RPA3: variants seen among roughly 807,000 people sequenced by gnomAD.
The protein encoded by RPA3 is replication protein A 14 kDa subunit.
In RPA3, 24 loss-of-function variants were observed where a neutral mutation model predicts 13.7. The ratio of observed to expected loss-of-function variants is 1.75; its 90% confidence interval spans 1.27 to 2.46. The LOEUF (loss-of-function observed/expected upper bound fraction) is 2.46, where lower values mean the gene tolerates loss of function less well. Among genes scored for constraint, RPA3 ranks in the 30% most tolerant of loss-of-function variants. The pLI is 0.00. For missense variants in RPA3, 183 were observed against 151.0 expected (o/e 1.21, Z -1.11); for synonymous variants, 59 against 51.2 (o/e 1.15, Z -0.65).
chr7:7,650,721 A>G (rs764479418), intron 4 of RPA3, among the ~76,000 whole-genome samples: 17 of 152,258 alleles, frequency 1.1e-4, no homozygotes, highest in Non-Finnish European at 1.5e-4. Flanking sequence ...TAATCCAGCC[A>G]TTCTGCATCC....
At chr7:7,693,765 T>A (rs905579550) in intron 2 of RPA3, among the ~76,000 whole-genome samples, 1 of 152,200 alleles carries the variant, frequency 6.6e-6, no homozygotes, top group Non-Finnish European at 1.5e-5. Context: ...TTTAAATATT[T>A]TGTAAGATGT....
chr7:7,661,208 A>G (rs1315422820), intron 4 of RPA3, among the ~76,000 whole-genome samples: 2 of 152,108 alleles, frequency 1.3e-5, no homozygotes, highest in Non-Finnish European at 2.9e-5. Flanking sequence ...CTAGTTAGCA[A>G]TTCATCTAAC....
Position 7,685,924 on chromosome 7 carries a change from C to T in RPA3, c.-852G>A. ...TTGTAGTAATCAGTAAGTGAACATT[C>T]TTGAGCACTTTCTCTATCCCAGGTG... On this transcript the variant is annotated 5_prime_UTR_variant, in exon 4 of 8. Transcript: ENST00000223129. 6.6e-6 allele frequency: 1 copy of T among 152,114 alleles called. No individual in the cohort carries two copies. Among genetic ancestry groups the T allele is most frequent in the East Asian group, 1.9e-4 (1 of 5,178 alleles). The allele number at this position is 152,114 out of a possible 1,614,324, so 9.4% of individuals were successfully genotyped here.
chr7:7,717,055 T>TC (rs1780929177), intron 1 of RPA3, among the ~76,000 whole-genome samples: 2 of 149,178 alleles, frequency 1.3e-5, no homozygotes, highest in Admixed American at 6.6e-5. Flanking sequence ...TTTCTTTCTT[T>TC]TTTTCTTTTT....
intron 4 of RPA3, among the ~76,000 whole-genome samples, chr7:7,662,738 C>T (rs1190949392): frequency 6.6e-6 from 1 of 151,626 alleles, no homozygotes; most frequent in Non-Finnish European, 1.5e-5. Context: ...CTGGGAACTG[C>T]AGATGGAGCT....
At chr7:7,645,817 A>AT (rs34158584) in intron 4 of RPA3, among the ~76,000 whole-genome samples, 51,416 of 145,332 alleles carry the variant, frequency 0.35, 9,115 homozygotes, top group African/African-American at 0.4. Flanking sequence ...TTTGTTTAGG[A>AT]TTTTTTTTTT....
At chr7:7,640,230 G>A (rs1583681174) in intron 5 of RPA3, 90 bp downstream of exon 5, 1 of 1,354,884 alleles carries the variant, frequency 7.4e-7, no homozygotes. Context: ...GTGATCGGAG[G>A]CTTTCCGTCC....
In RPA3 at chr7:7,670,795, A is replaced by C. The variant is rs536926502; in HGVS notation, c.-758+15035T>G. Among the ~76,000 whole-genome samples the C allele has an allele frequency of 3.6e-4, 55 of 152,290 alleles. No homozygotes were observed. In the Middle Eastern group the frequency reaches 0.01, roughly 28 times the overall value. Reference sequence around the variant, plus strand: ...ATTGCCAAAACCACTCCCATTTACAAAGGCGAACAAAGGGAGAGAGAGAAC... The same window carrying C: ...ATTGCCAAAACCACTCCCATTTACACAGGCGAACAAAGGGAGAGAGAGAAC... On this transcript the variant is annotated intron_variant, in intron 4 of 7. Transcript: ENST00000223129.
chr7:7,673,598 A>G, intron 4 of RPA3: 1 of 602,450 alleles, frequency 1.7e-6, no homozygotes, highest in Non-Finnish European at 2.9e-6. Flanking sequence ...AAAATCTGTA[A>G]AGATGAAAGT....
chr7:7,646,570 C>T (rs567294170), intron 4 of RPA3, among the ~76,000 whole-genome samples: 34 of 151,218 alleles, frequency 2.2e-4, no homozygotes, highest in African/African-American at 7.5e-4. Context: ...TGAGGTCTCC[C>T]CAGCCACGTG....
At position 7,672,511 on chromosome 7, in the gene RPA3, A is replaced by T. The variant is rs528259047; in HGVS notation, c.-758+13319T>A. ...GGTTCTTTGTCCCCACCCAAATCTC[A>T]CTTTGAATTGTATTAATGCCCATGT... On this transcript the variant is annotated intron_variant, in intron 4 of 7. Transcript: ENST00000223129. Among the ~76,000 whole-genome samples, 10 of 152,236 alleles carry T rather than the reference A, an allele frequency of 6.6e-5. No homozygotes were observed. The South Asian group carries it at 1.0e-3, about 16-fold the overall frequency.
At chr7:7,670,597 T>C (rs1405015366) in intron 4 of RPA3, among the ~76,000 whole-genome samples, 1 of 152,190 alleles carries the variant, frequency 6.6e-6, no homozygotes, top group Non-Finnish European at 1.5e-5. Context: ...GTCTGTCTCA[T>C]TGCCCCATTC....
intron 4 of RPA3, among the ~76,000 whole-genome samples, chr7:7,654,916 AAATTTGTGATATTTTT>A (rs1328558803): frequency 6.6e-6 from 1 of 151,300 alleles, no homozygotes; most frequent in Non-Finnish European, 1.5e-5. Context: ...AAAAAAAAAA[AAATTTGTGATATTTTT>A]AATTGTTGTA....
At chr7:7,673,185 A>C (rs1433977054) in intron 4 of RPA3, 2 of 718,880 alleles carry the variant, frequency 2.8e-6, no homozygotes, top group Non-Finnish European at 4.9e-6. Context: ...TCATGGTTTT[A>C]CATGTGGCCA....
Position 7,678,440 on chromosome 7 carries a change from ATATT to A in RPA3, c.-758+7386_-758+7389del, listed in dbSNP as rs948867016. Among the ~76,000 whole-genome samples the A allele has an allele frequency of 7.8e-3, 1,126 of 143,440 alleles. 16 individuals are homozygous for A. Among genetic ancestry groups the A allele is most frequent in the African/African-American group, 0.027 (1,062 of 39,540 alleles). 94.1% of individuals were successfully genotyped at this position (143,440 alleles called of 152,430 possible). On this transcript the variant is annotated intron_variant, in intron 4 of 7. Transcript: ENST00000223129. ...AATATATTTATATATTATTTAATAT[ATATT>A]TAATTTTATATAATAAATATATATT...
chr7:7,705,487 T>C (rs1780575501), intron 2 of RPA3, among the ~76,000 whole-genome samples: 2 of 152,232 alleles, frequency 1.3e-5, no homozygotes. Flanking sequence ...CCAGTGTTTA[T>C]ATTCAGTGTG....
intron 4 of RPA3, among the ~76,000 whole-genome samples, chr7:7,648,964 C>T (rs1785158992): frequency 6.6e-6 from 1 of 151,970 alleles, no homozygotes. Context: ...TTGAGACCAG[C>T]CTGGCCAACA....
chr7:7,646,480 A>ATTTTTTTTTT (rs35948027), intron 4 of RPA3, among the ~76,000 whole-genome samples: 2 of 111,360 alleles, frequency 1.8e-5, no homozygotes, highest in Non-Finnish European at 3.5e-5. Flanking sequence ...CTTTCGCTGG[A>ATTTTTTTTTT]TTTTTTTTTT....
intron 2 of RPA3, among the ~76,000 whole-genome samples, chr7:7,713,406 T>G (rs539909750): frequency 6.6e-6 from 1 of 152,086 alleles, no homozygotes; most frequent in African/African-American, 2.4e-5. Flanking sequence ...GAGTTTTTTT[T>G]TTTTTTAAAT....
Sources: allele counts gnomAD v4.1 joint callset (sites outside exome capture counted in the v4.1 genomes callset), GRCh38; gene constraint gnomAD v4.1.1; transcripts MANE v1.5; gene names NCBI Gene and HGNC (gene_info 2026-07-23, HGNC 2026-07-21).